Variants in SCAP observed in about 807,000 individuals in gnomAD.
SCAP encodes the protein sterol regulatory element-binding protein cleavage-activating protein.
SCAP carries 65 observed loss-of-function variants against 123.6 expected under a neutral mutation model. The ratio of observed to expected loss-of-function variants is 0.53; its 90% confidence interval spans 0.43 to 0.65. The LOEUF (loss-of-function observed/expected upper bound fraction) is 0.65, where lower values mean the gene tolerates loss of function less well. Among genes scored for constraint, SCAP ranks in the 30% least tolerant of loss-of-function variants. SCAP has a pLI of 0.00. For missense variants in SCAP, 1,398 were observed against 1,712.5 expected, an observed-to-expected ratio of 0.82 and a Z score of 3.24; for synonymous variants, 740 against 726.3, an observed-to-expected ratio of 1.02 and a Z score of -0.30.
intron 2 of SCAP, among the ~76,000 whole-genome samples, chr3:47,441,025 C>T (rs1374373880): frequency 1.3e-5 from 2 of 151,996 alleles, no homozygotes; most frequent in Non-Finnish European, 2.9e-5. Context: ...CCTCAGCCTC[C>T]CGAGTGGCGG....
At chr3:47,440,136 A>G (rs186688564) in intron 2 of SCAP, among the ~76,000 whole-genome samples, 2 of 152,356 alleles carry the variant, frequency 1.3e-5, no homozygotes, top group Non-Finnish European at 2.9e-5. Context: ...AATTAAGTGC[A>G]GCAGTCCTTT....
At chr3:47,475,499 C>G (rs979643617) in intron 1 of SCAP, 3 of 152,348 alleles carry the variant, frequency 2.0e-5, no homozygotes, top group African/African-American at 7.2e-5. Flanking sequence ...GCAACTAGGC[C>G]AGGGGATGCG....
intron 1 of SCAP, among the ~76,000 whole-genome samples, chr3:47,463,363 A>C (rs1707715170): frequency 6.6e-6 from 1 of 152,258 alleles, no homozygotes; most frequent in Admixed American, 6.5e-5. Flanking sequence ...ATCCTCGATA[A>C]ATCTTTCTAA....
At position 47,421,682 on chromosome 3, in the gene SCAP, G is replaced by C. The variant is rs147333059; in HGVS notation, c.1246-653C>G. Among the ~76,000 whole-genome samples, 86 of 152,366 alleles carry C rather than the reference G, an allele frequency of 5.6e-4. 1 individual carries two copies. Among genetic ancestry groups the C allele is most frequent in the Non-Finnish European group, 1.1e-3 (76 of 68,028 alleles). ...GTCTCAGCTCTAACGTCCCAAGACT[G>C]TACCCTATCCTGCAGATACTACTGT... On this transcript the variant is annotated intron_variant, in intron 10 of 22. Coordinates refer to ENST00000265565, the MANE Select transcript of SCAP (RefSeq NM_012235.4).
chr3:47,472,757 T>G (rs933269504), intron 1 of SCAP, among the ~76,000 whole-genome samples: 5 of 151,896 alleles, frequency 3.3e-5, no homozygotes, highest in Non-Finnish European at 5.9e-5. Context: ...ACCACCTTCT[T>G]CCACTACCCT....
At chr3:47,443,268 ACACACACACTCT>A (rs1201521429) in intron 1 of SCAP, 177 bp from the exon 2 acceptor site, 29 of 143,090 alleles carry the variant, frequency 2.0e-4, no homozygotes, top group Middle Eastern at 2.6e-3. Context: ...ACACACACAC[ACACACACACTCT>A]CTCTCTCTCT....
At chr3:47,415,314 G>A in intron 18 of SCAP, 134 bp from the exon 19 acceptor site, 1 of 721,182 alleles carries the variant, frequency 1.4e-6, no homozygotes, top group Non-Finnish European at 2.2e-6. Flanking sequence ...AGCACATGGT[G>A]CCAGAACAGA....
At chr3:47,456,074 C>CG (rs1402071835) in intron 1 of SCAP, among the ~76,000 whole-genome samples, 1 of 152,104 alleles carries the variant, frequency 6.6e-6, no homozygotes. Context: ...TGGGTAGCCA[C>CG]GGAAAAAAAT....
rs1360109840 is a variant in SCAP at position 47,414,392 on chromosome 3, G to C, written c.3388-6C>G. 1.2e-6 allele frequency: 2 copies of C among 1,612,372 alleles called. No individual in the cohort carries two copies. The highest frequency in any genetic ancestry group is 1.7e-5 in the Admixed American group (1 of 60,012). ...CCACTGGCCAGCACCATGGTCTGGG[G>C]AAACAGGCCAGGGGAGTGGGGTCAC... is the stretch of plus-strand genomic sequence containing the variant. On this transcript the variant is annotated splice_polypyrimidine_tract_variant and splice_region_variant and intron_variant, in intron 21 of 22. Transcript: ENST00000265565.
Position 47,419,206 on chromosome 3 carries a change from A to ACAAC in SCAP, c.1940+118_1940+121dup. On this transcript the variant is annotated intron_variant, in intron 13 of 22. Transcript: ENST00000265565. The surrounding 1 kb of genome is among the most constrained non-coding windows in gnomAD (Gnocchi z 5.0). The stretch of plus-strand genomic sequence containing the variant: ...TGCCTAAACCACCAGTTCCCACCTC[A>ACAAC]CAACCTTATGAACTGTTTTAATTAT... 1 of 1,329,832 alleles carries ACAAC rather than the reference A, an allele frequency of 7.5e-7. No homozygotes were observed. The highest frequency in any genetic ancestry group is 1.0e-6 in the Non-Finnish European group (1 of 987,638). 82.4% of individuals were successfully genotyped at this position (1,329,832 alleles called of 1,614,324 possible).
chr3:47,463,183 A>G (rs1707709057), intron 1 of SCAP, among the ~76,000 whole-genome samples: 1 of 152,338 alleles, frequency 6.6e-6, no homozygotes, highest in South Asian at 2.1e-4. Context: ...CTCCGGCGGA[A>G]AGTTTAGGAA....
At position 47,419,778 on chromosome 3, in the gene SCAP, A is replaced by G; in HGVS notation, c.1564-74T>C. 6.7e-7 allele frequency: 1 copy of G among 1,482,396 alleles called. No homozygotes were observed. The highest frequency in any genetic ancestry group is 9.0e-7 in the Non-Finnish European group (1 of 1,111,516). 91.8% of individuals were successfully genotyped at this position (1,482,396 alleles called of 1,614,324 possible). On this transcript the variant is annotated intron_variant, in intron 12 of 22. Transcript: ENST00000265565. The surrounding 1 kb of genome is among the most constrained non-coding windows in gnomAD (Gnocchi z 5.0). ...CAGCAGCTTCAGCCCTCATGCTGAG[A>G]GGAAGCAGCACAGGGACCTCAGGCC...
At chr3:47,441,107 G>A (rs1035984837) in intron 2 of SCAP, among the ~76,000 whole-genome samples, 6 of 152,082 alleles carry the variant, frequency 3.9e-5, no homozygotes, top group East Asian at 1.9e-4. Flanking sequence ...TCACCATGTT[G>A]GCCAGGATGG....
chr3:47,445,939 G>A lies in SCAP; in HGVS notation c.-98-2848C>T, dbSNP rs534508838. Among the ~76,000 whole-genome samples, 348 of 146,050 alleles carry A rather than the reference G, an allele frequency of 2.4e-3. 1 individual carries two copies. The highest frequency in any genetic ancestry group is 3.7e-3 in the Admixed American group (53 of 14,384). On this transcript the variant is annotated intron_variant, in intron 1 of 22. Coordinates refer to ENST00000265565, the MANE Select transcript of SCAP (RefSeq NM_012235.4). ...TCACCAGGCTGGAGTGCGGTGGTGC[G>A]ATCTCAGCTCACTGCAACCTCCACC...
In SCAP at chr3:47,428,615, A is replaced by G. The variant is rs773262453; in HGVS notation, c.308T>C (p.Phe103Ser). The G allele has an allele frequency of 1.9e-6, 3 of 1,614,030 alleles. No homozygotes were observed. The highest frequency in any genetic ancestry group is 2.5e-6 in the Non-Finnish European group (3 of 1,180,028). The change falls in exon 4 of 23, where the codon TTT becomes TCT. Residue 103 changes from phenylalanine (F) to serine (S), a missense_variant. This residue lies in a region of SCAP where 319 missense variants were observed against 432.4 expected (regional missense o/e 0.74). Coordinates refer to ENST00000265565, the MANE Select transcript of SCAP (RefSeq NM_012235.4). Reference sequence around the variant, plus strand: ...TGCCAGGAGGTTCTTGTGCCAGGGAAACACTGAGGACTTCACAAATATCTG... The same window carrying G: ...TGCCAGGAGGTTCTTGTGCCAGGGAGACACTGAGGACTTCACAAATATCTG... ...VQQIFVKSSV[F>S]PWHKNLLAVD...
At chr3:47,465,961 C>T (rs1400679724) in intron 1 of SCAP, among the ~76,000 whole-genome samples, 2 of 151,748 alleles carry the variant, frequency 1.3e-5, no homozygotes, top group East Asian at 1.9e-4. Context: ...GGTGAAACCC[C>T]GTCTCTACTA....
chr3:47,451,201 C>T (rs7621853), intron 1 of SCAP, among the ~76,000 whole-genome samples: 112,352 of 120,002 alleles, frequency 0.94, 54,382 homozygotes, highest in East Asian at 1. Context: ...CAGAAAAGCA[C>T]ACAAATTATA....
rs1174979543 is a variant in SCAP at position 47,469,249 on chromosome 3, G to A, written c.-99+6550C>T. On this transcript the variant is annotated intron_variant, in intron 1 of 22. Transcript: ENST00000265565. ...TGTAGTCCCAGCTACTTGGTAAGCT[G>A]AGACAGAAGAATCGCTTGAACCGGG... Among the ~76,000 whole-genome samples, 3 of 152,188 alleles carry A rather than the reference G, an allele frequency of 2.0e-5. No individual in the cohort carries two copies. In the East Asian group the frequency reaches 5.8e-4, roughly 29 times the overall value.
At chr3:47,471,630 C>T (rs1378569508) in intron 1 of SCAP, among the ~76,000 whole-genome samples, 1 of 152,062 alleles carries the variant, frequency 6.6e-6, no homozygotes, top group East Asian at 1.9e-4. Context: ...CTCAGCCTCC[C>T]AAAGTGCTGA....
Sources: allele counts gnomAD v4.1 joint callset (sites outside exome capture counted in the v4.1 genomes callset), GRCh38; gene constraint gnomAD v4.1.1; regional missense constraint gnomAD v4.1.1; non-coding constraint Gnocchi (gnomAD v3.1); transcripts MANE v1.5; gene names NCBI Gene and HGNC (gene_info 2026-07-23, HGNC 2026-07-21).